The following LRRC4C variants were observed in gnomAD, a reference collection of about 807,000 sequenced individuals.
LRRC4C encodes leucine rich repeat containing 4C, also known as leucine-rich repeat-containing protein 4C.
In LRRC4C, 5 loss-of-function variants were observed where a neutral mutation model predicts 33.6. That is an observed-to-expected ratio of 0.15 (90% CI 0.08 to 0.31). LRRC4C has a LOEUF of 0.31. Among genes scored for constraint, LRRC4C ranks in the 10% least tolerant of loss-of-function variants. LRRC4C has a pLI of 1.00. For synonymous variants in LRRC4C, 329 were observed against 302.0 expected (o/e 1.09, Z -0.93); for missense variants, 560 against 796.7 (o/e 0.70, Z 3.58).
At chr11:40,875,642 C>T (rs1025337728) in intron 2 of LRRC4C, among the ~76,000 whole-genome samples, 6 of 152,132 alleles carry the variant, frequency 3.9e-5, no homozygotes. Context: ...AAGAGATGTT[C>T]AACCTGTAGC....
At chr11:40,672,796 T>G (rs1944193893) in intron 2 of LRRC4C, among the ~76,000 whole-genome samples, 1 of 152,198 alleles carries the variant, frequency 6.6e-6, no homozygotes, top group Non-Finnish European at 1.5e-5. Flanking sequence ...CAAATCATGT[T>G]TTTATGAAGA....
chr11:40,600,163 A>G (rs940316401), intron 3 of LRRC4C, among the ~76,000 whole-genome samples: 3 of 152,220 alleles, frequency 2.0e-5, no homozygotes, highest in Non-Finnish European at 4.4e-5. Context: ...GATTGGACTC[A>G]GTTTAGGGAC....
intron 2 of LRRC4C, among the ~76,000 whole-genome samples, chr11:40,823,434 T>C (rs1952028136): frequency 6.6e-6 from 1 of 151,528 alleles, no homozygotes; most frequent in African/African-American, 2.4e-5. Context: ...TTAATTTAAA[T>C]GAAGAAAATA....
At chr11:40,606,275 T>C (rs984584184) in intron 3 of LRRC4C, among the ~76,000 whole-genome samples, 5 of 152,064 alleles carry the variant, frequency 3.3e-5, no homozygotes, top group Non-Finnish European at 5.9e-5. Context: ...TGCAGACAGA[T>C]ACCAAAAGGA....
At chr11:41,087,473 C>A (rs903216723) in intron 1 of LRRC4C, among the ~76,000 whole-genome samples, 1 of 152,026 alleles carries the variant, frequency 6.6e-6, no homozygotes, top group African/African-American at 2.4e-5. Flanking sequence ...ATCTTCATTG[C>A]AATTGCAATT....
chr11:40,680,011 A>G (rs563257584), intron 2 of LRRC4C, among the ~76,000 whole-genome samples: 1 of 152,262 alleles, frequency 6.6e-6, no homozygotes, highest in Admixed American at 6.5e-5. Flanking sequence ...TACCTTGCAA[A>G]GCCCTAGGGG....
At chr11:40,206,674 A>G (rs1863181003) in intron 5 of LRRC4C, among the ~76,000 whole-genome samples, 1 of 152,164 alleles carries the variant, frequency 6.6e-6, no homozygotes, top group Admixed American at 6.5e-5. Context: ...CCCAGAGTCC[A>G]TGTCTATTAA....
At chr11:41,398,662 C>T (rs902209788) in intron 1 of LRRC4C, among the ~76,000 whole-genome samples, 2 of 151,594 alleles carry the variant, frequency 1.3e-5, no homozygotes, top group Non-Finnish European at 2.9e-5. Context: ...ATTATTATGC[C>T]CACTCTGAAG....
At chr11:40,740,919 AC>A (rs1948128577) in intron 2 of LRRC4C, among the ~76,000 whole-genome samples, 2 of 152,014 alleles carry the variant, frequency 1.3e-5, no homozygotes, top group South Asian at 4.1e-4. Flanking sequence ...TTTGTCAAAG[AC>A]CATTTGACTG....
At chr11:40,668,879 C>T (rs1943946221) in intron 2 of LRRC4C, among the ~76,000 whole-genome samples, 1 of 152,072 alleles carries the variant, frequency 6.6e-6, no homozygotes, top group African/African-American at 2.4e-5. Context: ...ATTTTTGGTT[C>T]TTTGTCTTTA....
chr11:40,116,714 A>AAACT (rs1855462821), intron 6 of LRRC4C, among the ~76,000 whole-genome samples: 1 of 152,212 alleles, frequency 6.6e-6, no homozygotes, highest in Non-Finnish European at 1.5e-5. Flanking sequence ...TATATCAAAC[A>AAACT]AACTAAAAGC....
At chr11:41,352,733 GA>G (rs1429134912) in intron 1 of LRRC4C, among the ~76,000 whole-genome samples, 1 of 151,954 alleles carries the variant, frequency 6.6e-6, no homozygotes, top group African/African-American at 2.4e-5. Context: ...CAAAACCATA[GA>G]ATTACATGGA....
chr11:41,381,226 G>C (rs987992606), intron 1 of LRRC4C, among the ~76,000 whole-genome samples: 4 of 152,056 alleles, frequency 2.6e-5, no homozygotes, highest in Admixed American at 2.0e-4. Flanking sequence ...AAAGTGGGGG[G>C]AACATTGTAA....
chr11:40,319,584 A>C (rs1217419525), intron 4 of LRRC4C, 44 bp downstream of exon 4: 1 of 152,150 alleles, frequency 6.6e-6, no homozygotes, highest in African/African-American at 2.4e-5. Context: ...GAGCAGCTAG[A>C]ATGGAAGCCC....
chr11:41,016,898 C>T (rs551268723), intron 1 of LRRC4C, among the ~76,000 whole-genome samples: 5 of 152,242 alleles, frequency 3.3e-5, no homozygotes, highest in African/African-American at 1.2e-4. Context: ...TTAAACATAC[C>T]AATAAATTGT....
At chr11:40,747,952 G>A (rs1003963320) in intron 2 of LRRC4C, among the ~76,000 whole-genome samples, 2 of 152,062 alleles carry the variant, frequency 1.3e-5, no homozygotes, top group Non-Finnish European at 2.9e-5. Context: ...GTCCCAAGAG[G>A]CAAAGAGAGA....
chr11:40,226,038 A>T (rs530116520), intron 5 of LRRC4C, among the ~76,000 whole-genome samples: 108 of 151,754 alleles, frequency 7.1e-4, no homozygotes, highest in African/African-American at 2.5e-3. Flanking sequence ...TACCTGAATT[A>T]TCTTATATAA....
chr11:40,419,820 T>C (rs1319697357), intron 3 of LRRC4C, among the ~76,000 whole-genome samples: 5 of 152,216 alleles, frequency 3.3e-5, no homozygotes, highest in African/African-American at 1.2e-4. Flanking sequence ...TATGGTCCTA[T>C]ATCAATGTTG....
intron 6 of LRRC4C, among the ~76,000 whole-genome samples, chr11:40,128,653 C>T (rs569294360): frequency 3.9e-5 from 6 of 152,136 alleles, no homozygotes; most frequent in African/African-American, 1.2e-4. Flanking sequence ...GTCTGCTTCT[C>T]CCACTTCTCA....
Sources: allele counts gnomAD v4.1 joint callset (sites outside exome capture counted in the v4.1 genomes callset), GRCh38; gene constraint gnomAD v4.1.1; transcripts MANE v1.5; gene names NCBI Gene and HGNC (gene_info 2026-07-23, HGNC 2026-07-21).